MSANTD4: variants seen among roughly 807,000 people sequenced by gnomAD.
The protein encoded by MSANTD4 is Myb/SANT DNA binding domain containing 4 with coiled-coils, also known as myb/SANT-like DNA-binding domain-containing protein 4.
MSANTD4 carries 13 observed loss-of-function variants against 34.3 expected under a neutral mutation model. The ratio of observed to expected loss-of-function variants is 0.38; its 90% CI spans 0.25 to 0.60. The LOEUF (loss-of-function observed/expected upper bound fraction) is 0.60. MSANTD4 is among the 20% of genes least tolerant of loss of function. MSANTD4 has a pLI of 0.63. For missense variants in MSANTD4, 358 were observed against 401.8 expected, an observed-to-expected ratio of 0.89 and a Z score of 0.93; for synonymous variants, 137 against 145.2, an observed-to-expected ratio of 0.94 and a Z score of 0.41.
At chr11:106,015,506 G>A (rs1859819544) in intron 1 of MSANTD4, among the ~76,000 whole-genome samples, 1 of 152,154 alleles carries the variant, frequency 6.6e-6, no homozygotes, top group Non-Finnish European at 1.5e-5. Flanking sequence ...CCTAAGTTGA[G>A]GGATAGGTCC....
chr11:106,013,518 G>A (rs181662614), intron 1 of MSANTD4, among the ~76,000 whole-genome samples: 10 of 152,232 alleles, frequency 6.6e-5, no homozygotes, highest in Non-Finnish European at 1.2e-4. Context: ...GTTCCCTCAC[G>A]TCACATGTAC....
intron 1 of MSANTD4, 110 bp from the exon 2 acceptor site, chr11:106,011,177 T>C: frequency 4.4e-6 from 2 of 456,520 alleles, no homozygotes; most frequent in South Asian, 7.5e-5. Context: ...CCTCTAAATA[T>C]AGCTTAAAAT....
intron 1 of MSANTD4, among the ~76,000 whole-genome samples, chr11:106,020,742 A>G (rs565460126): frequency 3.3e-5 from 5 of 152,306 alleles, no homozygotes; most frequent in South Asian, 4.1e-4. Context: ...CGTTGTCCTG[A>G]CTGATCTATT....
At chr11:106,019,479 C>G (rs1016250805) in intron 1 of MSANTD4, among the ~76,000 whole-genome samples, 4 of 152,340 alleles carry the variant, frequency 2.6e-5, no homozygotes, top group Admixed American at 6.5e-5. Flanking sequence ...CAACTCAAGC[C>G]ATCATGGTCC....
At position 106,018,251 on chromosome 11, in the gene MSANTD4, T is replaced by G. The variant is rs1859915631; in HGVS notation, c.-151+2711A>C. ...ATGAGAAATTTTCCATTGTTTTCTT[T>G]CGCTGTCATTAGAATACAATGTGTA... On this transcript the variant is annotated intron_variant, in intron 1 of 2. Transcript: ENST00000301919. Among the ~76,000 whole-genome samples, 3 of 152,230 alleles carry G rather than the reference T, an allele frequency of 2.0e-5. No homozygotes were observed. In the South Asian group the frequency reaches 6.2e-4, roughly 32 times the overall value.
At chr11:106,016,012 C>A (rs1225032312) in intron 1 of MSANTD4, among the ~76,000 whole-genome samples, 1 of 152,088 alleles carries the variant, frequency 6.6e-6, no homozygotes, top group East Asian at 1.9e-4. Context: ...GGTGCACCAC[C>A]ATGTACTACT....
rs1340154405 is a variant in MSANTD4, at chr11:106,010,759, C to G, written c.159G>C (p.Gln53His). 2.5e-6 allele frequency: 4 copies of G among 1,614,074 alleles called. No homozygotes were observed. The highest frequency in any genetic ancestry group is 3.4e-6 in the Non-Finnish European group (4 of 1,180,034). The change falls in exon 2 of 3, where the codon CAG (glutamine) becomes CAC (histidine). Residue 53 changes from glutamine (Q) to histidine (H), a missense_variant. By Grantham distance (24) the Gln-to-His change is conservative (BLOSUM62 0). Around this residue, in one of 2 missense-constraint regions of MSANTD4, gnomAD observed 46 missense variants for 84.3 expected, o/e 0.55. Transcript: ENST00000301919. Reference sequence around the variant, plus strand: ...CTCCTTCTCCTACAGCATTCACACACTGTGCAATCTCTTCCCAAGCCATTC... The same window carrying G: ...CTCCTTCTCCTACAGCATTCACACAGTGTGCAATCTCTTCCCAAGCCATTC... The part of the protein sequence containing the change: ...MKRMAWEEIA[Q>H]CVNAVGEGEQ...
chr11:106,013,858 T>C (rs1591520328), intron 1 of MSANTD4, among the ~76,000 whole-genome samples: 1 of 152,204 alleles, frequency 6.6e-6, no homozygotes, highest in South Asian at 2.1e-4. Flanking sequence ...TGAGACTTTG[T>C]CTCAAACAAC....
At chr11:106,010,232 T>G in intron 2 of MSANTD4, 122 bp from the exon 3 acceptor site, 1 of 1,151,866 alleles carries the variant, frequency 8.7e-7, no homozygotes, top group South Asian at 1.7e-5. Context: ...ATTTTGAATA[T>G]CATTTACACT....
At position 106,010,980 on chromosome 11, in the gene MSANTD4, G is replaced by A; in HGVS notation, c.-63C>T. The A allele has an allele frequency of 3.4e-6, 5 of 1,488,632 alleles. No individual in the cohort carries two copies. Among genetic ancestry groups the A allele is most frequent in the Non-Finnish European group, 4.4e-6 (5 of 1,123,718 alleles). The allele number at this position is 1,488,632 out of a possible 1,614,324, so 92.2% of individuals were successfully genotyped here. On this transcript the variant is annotated 5_prime_UTR_variant, in exon 2 of 3. Coordinates refer to ENST00000301919, the MANE Select transcript of MSANTD4 (RefSeq NM_032424.3). ...AAAACAATTTGAGGAATGCTGCAAA[G>A]CACAAAAACCAGGGATAATTCTTTG...
In MSANTD4 at chr11:106,008,164, A is replaced by T. The variant is rs1859582840; in HGVS notation, c.*1371T>A. ...AAACACAAAGTGATCTAGTGCAGTG[A>T]TTCTCAACTTTAGTGTGTATCAGAA... On this transcript the variant is annotated 3_prime_UTR_variant, in exon 3 of 3. Coordinates refer to ENST00000301919, the MANE Select transcript of MSANTD4 (RefSeq NM_032424.3). The T allele has an allele frequency of 6.6e-6, 1 of 152,640 alleles. No individual in the cohort carries two copies. Among genetic ancestry groups the T allele is most frequent in the South Asian group, 2.1e-4 (1 of 4,830 alleles). 9.5% of individuals were successfully genotyped at this position (152,640 alleles called of 1,614,324 possible).
At chr11:106,014,003 TTAAAG>T (rs1240524199) in intron 1 of MSANTD4, among the ~76,000 whole-genome samples, 1 of 152,236 alleles carries the variant, frequency 6.6e-6, no homozygotes, top group Non-Finnish European at 1.5e-5. Context: ...CTACCTCCTG[TTAAAG>T]TAAATTAGAC....
In MSANTD4 at chr11:106,010,498, C is replaced by T. The variant is rs759472411; in HGVS notation, c.420G>A (p.Glu140=). 3.6e-5 allele frequency: 58 copies of T among 1,613,904 alleles called. No individual in the cohort carries two copies. Among genetic ancestry groups the T allele is most frequent in the Non-Finnish European group, 9.3e-6 (11 of 1,179,962 alleles). Reference sequence around the variant, plus strand: ...CCCTTTCTTCCTCTTCCACCTTGACCTCAGTTAAGGATCCACCTGCATCCC... The same window carrying T: ...CCCTTTCTTCCTCTTCCACCTTGACTTCAGTTAAGGATCCACCTGCATCCC... ...DFRDAGGSLT[E]VKVEEEERDP... Residue 140 remains glutamate, a synonymous_variant, in exon 2 of 3, where the codon GAG becomes GAA. Coordinates refer to ENST00000301919, the MANE Select transcript of MSANTD4 (RefSeq NM_032424.3).
intron 1 of MSANTD4, among the ~76,000 whole-genome samples, chr11:106,011,467 T>G (rs1313674759): frequency 2.0e-5 from 3 of 152,230 alleles, no homozygotes; most frequent in Non-Finnish European, 2.9e-5. Flanking sequence ...TCTATTTTAT[T>G]CCTCCTCGGT....
In MSANTD4 at chr11:106,021,882, G is replaced by A. The variant is rs1483067387; in HGVS notation, c.-1071C>T. ...GGTTGCTGCTGGTAGGAGTCCCGGT[G>A]GGAGTCGGGGCAACCTGGAAGATCT... On this transcript the variant is annotated 5_prime_UTR_variant, in exon 1 of 3. Transcript: ENST00000301919. The A allele has an allele frequency of 6.6e-6, 1 of 152,176 alleles. No homozygotes were observed. Among genetic ancestry groups the A allele is most frequent in the African/African-American group, 2.4e-5 (1 of 41,408 alleles). The allele number at this position is 152,176 out of a possible 1,614,324, so 9.4% of individuals were successfully genotyped here. A position where few individuals can be genotyped will look rare whatever the true frequency, so the allele number is the denominator to read the frequency against.
chr11:106,014,944 C>A (rs75108628), intron 1 of MSANTD4, among the ~76,000 whole-genome samples: 8 of 152,196 alleles, frequency 5.3e-5, no homozygotes, highest in Admixed American at 5.2e-4. Context: ...TATGCAAAAA[C>A]AAAAGAAAAG....
intron 1 of MSANTD4, among the ~76,000 whole-genome samples, chr11:106,014,719 AT>A (rs1859796940): frequency 6.6e-6 from 1 of 152,212 alleles, no homozygotes; most frequent in South Asian, 2.1e-4. Flanking sequence ...AGCTCTTGGT[AT>A]TCTTTCTTCA....
At chr11:106,018,726 T>G (rs1859935330) in intron 1 of MSANTD4, among the ~76,000 whole-genome samples, 1 of 152,208 alleles carries the variant, frequency 6.6e-6, no homozygotes, top group African/African-American at 2.4e-5. Context: ...TTATGTCAAA[T>G]GCAAGAAGAA....
rs1041420082 is a variant in MSANTD4 at position 106,018,375 on chromosome 11, T to C, written c.-151+2587A>G. On this transcript the variant is annotated intron_variant, in intron 1 of 2. Coordinates refer to ENST00000301919, the MANE Select transcript of MSANTD4 (RefSeq NM_032424.3). ...TAATCTACTCAAAAGTGTAGGTCTA[T>C]AGCACATCAAAATAACCTAAAGAGC... Among the ~76,000 whole-genome samples the C allele has an allele frequency of 1.1e-4, 17 of 152,226 alleles. No individual in the cohort carries two copies. In the East Asian group the frequency reaches 2.9e-3, roughly 26 times the overall value.
Sources: gnomAD v4.1 joint callset for allele counts (sites outside exome capture counted in the v4.1 genomes callset) on GRCh38, gnomAD v4.1.1 for gene constraint, gnomAD v4.1.1 regional missense constraint, MANE v1.5 for transcripts, NCBI Gene and HGNC (gene_info 2026-07-23, HGNC 2026-07-21) for gene names.